RRP15: variants seen among roughly 807,000 people sequenced by gnomAD.
RRP15 encodes the protein ribosomal RNA processing 15 homolog.
RRP15 carries 18 observed loss-of-function variants against 27.1 expected under a neutral mutation model. That is an observed-to-expected ratio of 0.66 (90% CI 0.46 to 0.98). The LOEUF is 0.98. RRP15 is among the 50% of genes least tolerant of loss of function. The pLI is 0.00. For missense variants in RRP15, 359 were observed against 337.8 expected (o/e 1.06, Z -0.49); for synonymous variants, 107 against 109.4 (o/e 0.98, Z 0.14).
chr1:218,305,246 G>A, intron 3 of RRP15, 121 bp downstream of exon 3: 2 of 676,114 alleles, frequency 3.0e-6, no homozygotes, highest in Non-Finnish European at 5.1e-6. Context: ...ATATATCTAA[G>A]CCTGCCTGTT....
chr1:218,296,483 A>G (rs1383114423), intron 1 of RRP15, among the ~76,000 whole-genome samples: 1 of 151,976 alleles, frequency 6.6e-6, no homozygotes, highest in African/African-American at 2.4e-5. Context: ...GTGAGACTTC[A>G]TCTCTACAAA....
At chr1:218,330,802 A>G in intron 4 of RRP15, 146 bp from the exon 5 acceptor site, 2 of 605,898 alleles carry the variant, frequency 3.3e-6, no homozygotes, top group Non-Finnish European at 5.8e-6. Flanking sequence ...ATCATAGTGT[A>G]TAAAGTAAGT....
intron 1 of RRP15, among the ~76,000 whole-genome samples, chr1:218,287,721 G>C (rs1392333314): frequency 1.3e-5 from 2 of 152,088 alleles, no homozygotes; most frequent in Non-Finnish European, 2.9e-5. Context: ...GTGTATTATT[G>C]ATAATATACT....
intron 4 of RRP15, among the ~76,000 whole-genome samples, chr1:218,320,909 A>T (rs1480986657): frequency 6.6e-6 from 1 of 151,762 alleles, no homozygotes; most frequent in Non-Finnish European, 1.5e-5. Flanking sequence ...AACTGAGTTA[A>T]AATGAAAACT....
rs1271507234 is a variant in RRP15, at chr1:218,293,028, AT to A, written c.139+7586del. Reference sequence around the variant, plus strand: ...TATTATTTTAAAACTTTTTTTTCTTATTTTTTTTTTTTTGAGACAGGGTCTT... The same window carrying A: ...TATTATTTTAAAACTTTTTTTTCTTATTTTTTTTTTTTGAGACAGGGTCTT... On this transcript the variant is annotated intron_variant, in intron 1 of 4. Transcript: ENST00000366932. Among the ~76,000 whole-genome samples, 1,222 of 141,702 alleles carry A rather than the reference AT, an allele frequency of 8.6e-3. 7 individuals carry two copies. The highest frequency in any genetic ancestry group is 0.024 in the African/African-American group (933 of 38,986). The allele number at this position is 141,702 out of a possible 152,430, so 93.0% of individuals were successfully genotyped here.
At chr1:218,310,644 A>G (rs181120703) in intron 4 of RRP15, among the ~76,000 whole-genome samples, 93 of 152,310 alleles carry the variant, frequency 6.1e-4, no homozygotes, top group East Asian at 3.9e-4. Context: ...TTTTTAAAAA[A>G]TAATTGTTAT....
At chr1:218,296,062 G>C (rs1293701788) in intron 1 of RRP15, among the ~76,000 whole-genome samples, 2 of 152,160 alleles carry the variant, frequency 1.3e-5, no homozygotes, top group South Asian at 2.1e-4. Context: ...AGGGGGATAT[G>C]TATACTTAGG....
intron 1 of RRP15, among the ~76,000 whole-genome samples, chr1:218,290,316 CCTGAATCCCTGAATT>C (rs1402675352): frequency 6.6e-6 from 1 of 151,426 alleles, no homozygotes; most frequent in Non-Finnish European, 1.5e-5. Context: ...TGCAGGAAAC[CCTGAATCCCTGAATT>C]AGTGAACCAT....
intron 4 of RRP15, among the ~76,000 whole-genome samples, chr1:218,326,767 T>C (rs1656279687): frequency 6.6e-6 from 1 of 152,230 alleles, no homozygotes; most frequent in South Asian, 2.1e-4. Flanking sequence ...TTTGGTTCTA[T>C]ACCTATGCTT....
At chr1:218,287,859 A>G (rs1194436811) in intron 1 of RRP15, among the ~76,000 whole-genome samples, 2 of 152,202 alleles carry the variant, frequency 1.3e-5, no homozygotes, top group African/African-American at 2.4e-5. Context: ...GTTTTGTTGA[A>G]TAAATGTATA....
At position 218,336,592 on chromosome 1, in the gene RRP15, C is replaced by T. The variant is rs902248157; in HGVS notation, c.*5501C>T. 6.6e-6 allele frequency: 1 copy of T among 152,604 alleles called. No homozygotes were observed. The highest frequency in any genetic ancestry group is 1.5e-5 in the Non-Finnish European group (1 of 68,042). The allele number at this position is 152,604 out of a possible 1,614,324, so 9.5% of individuals were successfully genotyped here. ...TTCAATCTTAGGTAAAAATGTATCCCTCCCATGGACAGGACATAAACAATA... is the reference window on the plus strand; with the variant it reads ...TTCAATCTTAGGTAAAAATGTATCCTTCCCATGGACAGGACATAAACAATA... On this transcript the variant is annotated 3_prime_UTR_variant, in exon 5 of 5. Transcript: ENST00000366932.
intron 1 of RRP15, among the ~76,000 whole-genome samples, chr1:218,292,189 G>C (rs1010108001): frequency 2.6e-5 from 4 of 152,106 alleles, no homozygotes; most frequent in Non-Finnish European, 4.4e-5. Flanking sequence ...CATACATTTT[G>C]GGCATACTGT....
chr1:218,295,320 G>A (rs969381439), intron 1 of RRP15, among the ~76,000 whole-genome samples: 1 of 152,182 alleles, frequency 6.6e-6, no homozygotes, highest in African/African-American at 2.4e-5. Context: ...TGCGGGGGAA[G>A]CGTCTGTTGT....
chr1:218,296,371 T>C (rs1374703455), intron 1 of RRP15, among the ~76,000 whole-genome samples: 1 of 152,074 alleles, frequency 6.6e-6, no homozygotes, highest in Non-Finnish European at 1.5e-5. Context: ...TGTTGTGAAA[T>C]GAGCTGGGTG....
At position 218,327,455 on chromosome 1, in the gene RRP15, A is replaced by G. The variant is rs144477349; in HGVS notation, c.706-3493A>G. ...GTAGCTGGGATTATAAGCCTGTGCT[A>G]TCATGCGTAGGCTATTTTTTGTATT... is the stretch of plus-strand genomic sequence containing the variant. On this transcript the variant is annotated intron_variant, in intron 4 of 4. Transcript: ENST00000366932. Among the ~76,000 whole-genome samples, 222 of 152,172 alleles carry G rather than the reference A, an allele frequency of 1.5e-3. 1 individual carries two copies. Among genetic ancestry groups the G allele is most frequent in the African/African-American group, 4.9e-3 (204 of 41,526 alleles).
chr1:218,322,413 T>A (rs1363872554), intron 4 of RRP15, among the ~76,000 whole-genome samples: 1 of 152,184 alleles, frequency 6.6e-6, no homozygotes, highest in Admixed American at 6.5e-5. Context: ...GAATCATCAT[T>A]GTTAATAAAA....
At chr1:218,302,985 G>A (rs997524889) in intron 2 of RRP15, among the ~76,000 whole-genome samples, 43 of 151,996 alleles carry the variant, frequency 2.8e-4, no homozygotes, top group Non-Finnish European at 8.8e-5. Flanking sequence ...AGGATTGGTT[G>A]TAGTTCTGAA....
In RRP15 at chr1:218,329,079, A is replaced by G. The variant is rs571798857; in HGVS notation, c.706-1869A>G. 5.9e-5 allele frequency among the ~76,000 whole-genome samples: 9 copies of G among 151,870 alleles called. No homozygotes were observed. The South Asian group carries it at 1.5e-3, about 25-fold the overall frequency. ...GTTGGTTCTAAGTGGATTTTTGTTC[A>G]CTGTGAACATCAGTTTTTTATTTAA... On this transcript the variant is annotated intron_variant, in intron 4 of 4. Transcript: ENST00000366932.
In RRP15 at chr1:218,331,154, A is replaced by T; in HGVS notation, c.*63A>T. ...TTCTAGAAAAATATGTCATCCTCTG[A>T]TAGTTGGGGAATTATAAGGATACCA... On this transcript the variant is annotated 3_prime_UTR_variant, in exon 5 of 5. Transcript: ENST00000366932. 6.1e-6 allele frequency: 9 copies of T among 1,471,032 alleles called. No individual in the cohort carries two copies. The highest frequency in any genetic ancestry group is 2.4e-5 in the East Asian group (1 of 41,606). 91.1% of individuals were successfully genotyped at this position (1,471,032 alleles called of 1,614,324 possible). A position where few individuals can be genotyped will look rare whatever the true frequency, so the allele number is the denominator to read the frequency against.
Sources: allele counts gnomAD v4.1 joint callset (sites outside exome capture counted in the v4.1 genomes callset), GRCh38; gene constraint gnomAD v4.1.1; transcripts MANE v1.5; gene names NCBI Gene and HGNC (gene_info 2026-07-23, HGNC 2026-07-21).